Variants in M1AP observed in about 807,000 individuals in gnomAD.
The protein encoded by M1AP is meiosis 1 associated protein.
M1AP carries 39 observed loss-of-function variants against 51.2 expected under a neutral mutation model. The observed-to-expected ratio is 0.76, with a 90% CI of 0.59 to 1.00. The LOEUF (loss-of-function observed/expected upper bound fraction) is 1.00, where lower values mean the gene tolerates loss of function less well. Ranked by LOEUF, M1AP falls within the 50% of genes least tolerant of loss-of-function variation. The pLI is 0.00. For missense variants in M1AP, 545 were observed against 641.2 expected, an observed-to-expected ratio of 0.85 and a Z score of 1.62; for synonymous variants, 251 against 249.2, an observed-to-expected ratio of 1.01 and a Z score of -0.07.
chr2:74,580,325 G>A (rs1334053487), intron 5 of M1AP, among the ~76,000 whole-genome samples: 2 of 152,150 alleles, frequency 1.3e-5, no homozygotes, highest in African/African-American at 4.8e-5. Context: ...CCTTAAGTAG[G>A]GAAAACAGAT....
chr2:74,627,758 T>C (rs1573174718), intron 2 of M1AP, among the ~76,000 whole-genome samples: 1 of 152,328 alleles, frequency 6.6e-6, no homozygotes, highest in African/African-American at 2.4e-5. Context: ...AACTAGTTAA[T>C]ACCACTAGCC....
intron 7 of M1AP, 115 bp downstream of exon 7, chr2:74,575,323 T>G: frequency 1.3e-6 from 2 of 1,513,870 alleles, no homozygotes; most frequent in Middle Eastern, 2.3e-4. Context: ...CAGTTTTTTC[T>G]GTCTTCTTGA....
At chr2:74,560,669 G>A (rs186955196) in intron 8 of M1AP, among the ~76,000 whole-genome samples, 259 of 152,336 alleles carry the variant, frequency 1.7e-3, no homozygotes, top group Middle Eastern at 6.8e-3. Flanking sequence ...CAGCCTGCAA[G>A]GCGAGTACAT....
At chr2:74,609,244 A>G (rs968305143) in intron 3 of M1AP, among the ~76,000 whole-genome samples, 3 of 151,864 alleles carry the variant, frequency 2.0e-5, no homozygotes, top group Admixed American at 2.0e-4. Context: ...GATAACCACT[A>G]TTCAACTCTG....
intron 4 of M1AP, among the ~76,000 whole-genome samples, chr2:74,605,152 AT>A (rs1417541990): frequency 6.6e-6 from 1 of 152,234 alleles, no homozygotes; most frequent in African/African-American, 2.4e-5. Context: ...ATGAATTGGT[AT>A]GATCTTTTTG....
chr2:74,640,271 T>G lies in M1AP; in HGVS notation c.5A>C (p.His2Pro), dbSNP rs149981067. The G allele has an allele frequency of 1.2e-5, 20 of 1,614,066 alleles. No individual in the cohort carries two copies. In the Admixed American group the frequency reaches 3.3e-4, roughly 27 times the overall value. M[H>P]PGRTTGKGPS... The stretch of plus-strand genomic sequence containing the variant: ...CCCTTTACCAGTAGTTCGCCCAGGA[T>G]GCATGGCAGCAAAACCAGAGGGGGA... Residue 2 changes from histidine (H) to proline (P), a missense_variant, in exon 2 of 11, where the codon CAT becomes CCT. By Grantham distance (77) the His-to-Pro change is moderately conservative. Coordinates refer to ENST00000421985, the MANE Select transcript of M1AP (RefSeq NM_001321739.2).
intron 2 of M1AP, among the ~76,000 whole-genome samples, chr2:74,634,625 G>A (rs1027979433): frequency 6.6e-6 from 1 of 152,108 alleles, no homozygotes; most frequent in African/African-American, 2.4e-5. Flanking sequence ...AGACATCTTT[G>A]TCTTGTCTCA....
intron 4 of M1AP, among the ~76,000 whole-genome samples, chr2:74,592,825 T>A (rs533077966): frequency 1.3e-5 from 2 of 152,362 alleles, no homozygotes; most frequent in East Asian, 3.9e-4. Flanking sequence ...CTTTTCCAGA[T>A]GGCTAAACCA....
At chr2:74,634,646 G>T (rs536167110) in intron 2 of M1AP, among the ~76,000 whole-genome samples, 216 of 152,278 alleles carry the variant, frequency 1.4e-3, no homozygotes, top group Non-Finnish European at 2.6e-3. Flanking sequence ...ATCTTAGGGG[G>T]AAAGCATTCA....
intron 2 of M1AP, among the ~76,000 whole-genome samples, chr2:74,627,121 G>A (rs2104790033): frequency 6.6e-6 from 1 of 152,058 alleles, no homozygotes; most frequent in South Asian, 2.1e-4. Flanking sequence ...CAATAGTATT[G>A]AACAATTTTT....
Position 74,571,328 on chromosome 2 carries a change from A to T in M1AP, c.1074+4110T>A, listed in dbSNP as rs1334970205. Reference sequence around the variant, plus strand: ...AGGTTTCAAGCCTGGGTGACTAGACAATGGCGGTGCTGCTATTAACAGAAA... The same window carrying T: ...AGGTTTCAAGCCTGGGTGACTAGACTATGGCGGTGCTGCTATTAACAGAAA... On this transcript the variant is annotated intron_variant, in intron 7 of 10. Transcript: ENST00000421985. Among the ~76,000 whole-genome samples the T allele has an allele frequency of 2.6e-5, 4 of 152,210 alleles. No homozygotes were observed. In the South Asian group the frequency reaches 6.2e-4, roughly 24 times the overall value.
At chr2:74,646,642 T>C (rs1355183266) in intron 1 of M1AP, among the ~76,000 whole-genome samples, 1 of 152,254 alleles carries the variant, frequency 6.6e-6, no homozygotes, top group Non-Finnish European at 1.5e-5. Context: ...ATGTTTGCTC[T>C]CTCATAAGTT....
At chr2:74,584,708 A>G (rs896716427) in intron 4 of M1AP, among the ~76,000 whole-genome samples, 1 of 150,454 alleles carries the variant, frequency 6.6e-6, no homozygotes, top group Non-Finnish European at 1.5e-5. Flanking sequence ...TATAAAATCA[A>G]CCAGAATGGT....
chr2:74,628,071 A>G (rs1397424053), intron 2 of M1AP, among the ~76,000 whole-genome samples: 3 of 152,198 alleles, frequency 2.0e-5, no homozygotes, highest in Non-Finnish European at 4.4e-5. Flanking sequence ...GCGCATACCT[A>G]TGGAACATGT....
At chr2:74,630,940 G>A (rs1251411004) in intron 2 of M1AP, among the ~76,000 whole-genome samples, 1 of 152,204 alleles carries the variant, frequency 6.6e-6, no homozygotes, top group Non-Finnish European at 1.5e-5. Flanking sequence ...GCATTAAAGT[G>A]CCATTGTGCC....
At chr2:74,622,963 A>G (rs1199342713) in intron 2 of M1AP, among the ~76,000 whole-genome samples, 2 of 151,710 alleles carry the variant, frequency 1.3e-5, no homozygotes, top group East Asian at 1.9e-4. Context: ...AGTGGAAAAA[A>G]AAAAAACAAA....
intron 2 of M1AP, among the ~76,000 whole-genome samples, chr2:74,622,957 G>GAA (rs57227340): frequency 1.0e-3 from 132 of 129,180 alleles, no homozygotes; most frequent in African/African-American, 2.6e-3. Flanking sequence ...AAATAGAGTG[G>GAA]AAAAAAAAAA....
intron 7 of M1AP, 95 bp from the exon 8 acceptor site, chr2:74,562,518 T>G: frequency 2.1e-6 from 3 of 1,398,018 alleles, no homozygotes; most frequent in Non-Finnish European, 3.0e-6. Context: ...CTTCCAGGGG[T>G]GCTGAGGAGG....
chr2:74,594,952 T>G (rs1407699065), intron 4 of M1AP, among the ~76,000 whole-genome samples: 1 of 152,082 alleles, frequency 6.6e-6, no homozygotes, highest in Non-Finnish European at 1.5e-5. Context: ...TAGAAGAAAT[T>G]CACACCTAAA....
Sources: gnomAD v4.1 joint callset for allele counts (sites outside exome capture counted in the v4.1 genomes callset) on GRCh38, gnomAD v4.1.1 for gene constraint, MANE v1.5 for transcripts, NCBI Gene and HGNC (gene_info 2026-07-23, HGNC 2026-07-21) for gene names.